Variants in RBFOX1 observed in about 807,000 individuals in gnomAD.
RBFOX1 encodes RNA binding fox-1 homolog 1, also known as RNA binding protein fox-1 homolog 1.
Under a neutral mutation model 57.7 loss-of-function variants are expected in RBFOX1, and 8 were observed. The observed-to-expected ratio is 0.14, with a 90% CI of 0.08 to 0.25. The LOEUF (loss-of-function observed/expected upper bound fraction) is 0.25. Among genes scored for constraint, RBFOX1 ranks in the 10% least tolerant of loss-of-function variants. RBFOX1 has a pLI of 1.00. For synonymous variants in RBFOX1, 326 were observed against 222.4 expected, an observed-to-expected ratio of 1.47 and a Z score of -4.15; for missense variants, 611 against 548.5, an observed-to-expected ratio of 1.11 and a Z score of -1.14.
intron 3 of RBFOX1, among the ~76,000 whole-genome samples, chr16:6,741,509 C>G (rs1238342336): frequency 6.6e-6 from 1 of 151,732 alleles, no homozygotes; most frequent in Non-Finnish European, 1.5e-5. Context: ...ATTAAAAGTA[C>G]AAATTTTAGC....
chr16:6,245,986 T>C (rs2097567123), intron 1 of RBFOX1, among the ~76,000 whole-genome samples: 1 of 152,242 alleles, frequency 6.6e-6, no homozygotes, highest in Non-Finnish European at 1.5e-5. Flanking sequence ...CTCTTTTTTC[T>C]AAATGCTCTT....
intron 3 of RBFOX1, among the ~76,000 whole-genome samples, chr16:5,801,138 C>T (rs1413660210): frequency 2.6e-5 from 4 of 152,156 alleles, no homozygotes; most frequent in African/African-American, 7.2e-5. Context: ...GCATGTGTGA[C>T]AGAAATGCAG....
In RBFOX1 at chr16:5,676,279, A is replaced by T. The variant is rs750415684; in HGVS notation, c.318+77318A>T. 7.9e-5 allele frequency among the ~76,000 whole-genome samples: 12 copies of T among 152,112 alleles called. 1 individual carries two copies. The South Asian group carries it at 2.5e-3, about 32-fold the overall frequency. ...AAAAAAAAAAATAAAGGAAAACATC[A>T]CACCTTTTTACCCACCCATTTGTGT... On this transcript the variant is annotated intron_variant, in intron 3 of 19. Transcript: ENST00000641259.
chr16:5,383,710 C>G (rs1038433789), intron 1 of RBFOX1, among the ~76,000 whole-genome samples: 1 of 152,168 alleles, frequency 6.6e-6, no homozygotes, highest in Admixed American at 6.5e-5. Context: ...GATTTGGGCA[C>G]TGGGAAAATG....
At chr16:6,988,731 A>ATTTTT (rs111959126) in intron 3 of RBFOX1, among the ~76,000 whole-genome samples, 48 of 91,306 alleles carry the variant, frequency 5.3e-4, no homozygotes, top group African/African-American at 2.2e-3. Flanking sequence ...CACCCAGCTA[A>ATTTTT]TTTTTTTTTT....
intron 2 of RBFOX1, among the ~76,000 whole-genome samples, chr16:6,650,508 C>T (rs371604341): frequency 1.1e-4 from 16 of 152,222 alleles, no homozygotes; most frequent in African/African-American, 3.9e-4. Flanking sequence ...AATTATCATG[C>T]CACAGAGTAA....
intron 1 of RBFOX1, among the ~76,000 whole-genome samples, chr16:6,067,421 C>A (rs1039993031): frequency 1.3e-5 from 2 of 151,900 alleles, no homozygotes; most frequent in African/African-American, 4.8e-5. Flanking sequence ...CCTGAAAATA[C>A]AAGCGAATGC....
At chr16:6,773,963 C>A in intron 3 of RBFOX1, 1 of 985,304 alleles carries the variant, frequency 1.0e-6, no homozygotes, top group Non-Finnish European at 1.2e-6. Flanking sequence ...ACATGGTTCT[C>A]ATGGTCCTCC....
intron 3 of RBFOX1, among the ~76,000 whole-genome samples, chr16:5,702,657 T>C (rs1226556261): frequency 6.6e-6 from 1 of 152,230 alleles, no homozygotes; most frequent in Non-Finnish European, 1.5e-5. Context: ...ATAACCTCAA[T>C]GAATGTTAAC....
At chr16:5,420,916 C>T (rs1244104626) in intron 1 of RBFOX1, among the ~76,000 whole-genome samples, 1 of 127,948 alleles carries the variant, frequency 7.8e-6, no homozygotes, top group Non-Finnish European at 1.7e-5. Flanking sequence ...TGCCTCCCTC[C>T]ACCCCTCCTC....
intron 1 of RBFOX1, among the ~76,000 whole-genome samples, chr16:5,301,310 C>T (rs943757255): frequency 1.3e-5 from 2 of 152,100 alleles, no homozygotes; most frequent in Admixed American, 6.6e-5. Flanking sequence ...TGTTTACAGA[C>T]TTCCAACAGC....
At chr16:6,489,049 C>T (rs1047814756) in intron 2 of RBFOX1, among the ~76,000 whole-genome samples, 1 of 152,182 alleles carries the variant, frequency 6.6e-6, no homozygotes, top group Non-Finnish European at 1.5e-5. Context: ...GTTACAGCTG[C>T]TTCCTTGGAA....
intron 3 of RBFOX1, among the ~76,000 whole-genome samples, chr16:6,701,929 C>T (rs188536498): frequency 6.6e-6 from 1 of 152,210 alleles, no homozygotes; most frequent in East Asian, 1.9e-4. Context: ...GGACAACAGA[C>T]ACCGGGGCCT....
chr16:6,905,221 C>T (rs1043522916), intron 3 of RBFOX1, among the ~76,000 whole-genome samples: 2 of 151,706 alleles, frequency 1.3e-5, no homozygotes, highest in Non-Finnish European at 1.5e-5. Context: ...GCCCTTTCTT[C>T]CTAGCTAACA....
intron 4 of RBFOX1, among the ~76,000 whole-genome samples, chr16:7,152,399 C>T (rs915227548): frequency 2.0e-5 from 3 of 152,196 alleles, no homozygotes; most frequent in African/African-American, 4.8e-5. Flanking sequence ...AATCCCAACC[C>T]TTGGCTGACC....
intron 4 of RBFOX1, among the ~76,000 whole-genome samples, chr16:7,363,532 C>T (rs185660229): frequency 1.3e-5 from 2 of 152,062 alleles, no homozygotes; most frequent in Admixed American, 1.3e-4. Flanking sequence ...TCTTGTGGGC[C>T]TCTCAGCCTG....
At chr16:6,716,492 G>C (rs77521307) in intron 3 of RBFOX1, among the ~76,000 whole-genome samples, 1 of 152,016 alleles carries the variant, frequency 6.6e-6, no homozygotes, top group African/African-American at 2.4e-5. Context: ...GTTATTACCT[G>C]CCCATTTCAG....
chr16:7,217,082 C>A (rs2092227752), intron 4 of RBFOX1, among the ~76,000 whole-genome samples: 1 of 116,838 alleles, frequency 8.6e-6, no homozygotes, highest in Non-Finnish European at 1.7e-5. Context: ...CCCTCTCCTC[C>A]CCTGTTTCCC....
chr16:7,550,790 C>T lies in RBFOX1; in HGVS notation c.271-28987C>T, dbSNP rs537375514. Among the ~76,000 whole-genome samples the T allele has an allele frequency of 9.2e-5, 14 of 152,130 alleles. No individual in the cohort carries two copies. The South Asian group carries it at 2.3e-3, about 25-fold the overall frequency. On this transcript the variant is annotated intron_variant, in intron 5 of 15. Coordinates refer to ENST00000550418, the MANE Select transcript of RBFOX1 (RefSeq NM_018723.4). Reference sequence around the variant, plus strand: ...TCCACAATGACTACCTGTCTTCACCCAGACTCAGAAATGCTAATGGGGGTC... The same window carrying T: ...TCCACAATGACTACCTGTCTTCACCTAGACTCAGAAATGCTAATGGGGGTC...
Sources: allele counts gnomAD v4.1 joint callset (sites outside exome capture counted in the v4.1 genomes callset), GRCh38; gene constraint gnomAD v4.1.1; transcripts MANE v1.5; gene names NCBI Gene and HGNC (gene_info 2026-07-23, HGNC 2026-07-21).